ZNF500: variants seen among roughly 807,000 people sequenced by gnomAD.
ZNF500 encodes zinc finger protein with KRAB and SCAN domains 18.
In ZNF500, 31 loss-of-function variants were observed where a neutral mutation model predicts 30.1. That is an observed-to-expected ratio of 1.03 (90% confidence interval 0.77 to 1.39). The LOEUF (loss-of-function observed/expected upper bound fraction) is 1.39. ZNF500 is among the 40% of genes most tolerant of loss of function. The pLI is 0.00. For missense variants in ZNF500, 817 were observed against 657.8 expected (o/e 1.24, Z -2.65); for synonymous variants, 392 against 282.0 (o/e 1.39, Z -3.91).
chr16:4,761,284 A>G (rs2082196197), intron 4 of ZNF500, among the ~76,000 whole-genome samples: 1 of 151,756 alleles, frequency 6.6e-6, no homozygotes, highest in Admixed American at 6.6e-5. Context: ...TAAAAATACA[A>G]AAAAAATTAG....
At chr16:4,758,910 GA>G (rs34448916) in intron 5 of ZNF500, among the ~76,000 whole-genome samples, 69,500 of 151,994 alleles carry the variant, frequency 0.46, 18,814 homozygotes, top group East Asian at 0.64. Flanking sequence ...CAAAATAGGA[GA>G]AAATATTTCC....
chr16:4,746,599 G>C (rs1457140283), downstream of ZNF500: 3 of 1,432,740 alleles, frequency 2.1e-6, no homozygotes, highest in African/African-American at 2.9e-5. Flanking sequence ...GATCCTGATG[G>C]GGAGGAACAG....
intron 2 of ZNF500, chr16:4,763,625 G>C: frequency 1.0e-6 from 1 of 985,412 alleles, no homozygotes; most frequent in Non-Finnish European, 1.2e-6. Flanking sequence ...AGGGAGCGTA[G>C]TCCCCTTGGG....
At chr16:4,745,700 C>T (rs571051000), downstream of ZNF500, among the ~76,000 whole-genome samples, 8 of 152,232 alleles carry the variant, frequency 5.3e-5, no homozygotes, top group East Asian at 5.8e-4. Context: ...CCTATAATCC[C>T]GGCACTTTGG....
At chr16:4,758,987 A>G (rs1318142556) in intron 5 of ZNF500, among the ~76,000 whole-genome samples, 1 of 152,206 alleles carries the variant, frequency 6.6e-6, no homozygotes, top group Non-Finnish European at 1.5e-5. Flanking sequence ...AGGCAGGCAG[A>G]TCACTTGAGA....
chr16:4,747,727 A>C, downstream of ZNF500: 1 of 1,403,672 alleles, frequency 7.1e-7, no homozygotes, highest in Non-Finnish European at 9.5e-7. Flanking sequence ...TTCCACTAGC[A>C]GGGGCATTCC....
At chr16:4,747,365 C>T, downstream of ZNF500, 1 of 1,589,744 alleles carries the variant, frequency 6.3e-7, no homozygotes, top group Non-Finnish European at 8.6e-7. Flanking sequence ...GAAAAGCCAG[C>T]TTCTCCAGCA....
chr16:4,747,628 G>A (rs2082035124), downstream of ZNF500: 1 of 1,598,406 alleles, frequency 6.3e-7, no homozygotes, highest in Non-Finnish European at 8.5e-7. Context: ...AACTATAGCT[G>A]CCTCAGGTAG....
intron 5 of ZNF500, 50 bp downstream of exon 5, chr16:4,760,442 G>T: frequency 6.4e-7 from 1 of 1,565,540 alleles, no homozygotes; most frequent in Non-Finnish European, 8.8e-7. Flanking sequence ...GTGCCTGACA[G>T]TTCCTATTTT....
chr16:4,748,828 TG>T lies in ZNF500; in HGVS notation c.*3547del, dbSNP rs2082050749. ...GCAGCACAGTAGGGCGCCGGGCCTTTGGGACAGTGTCCCAGCTTCCCCTGGG... is the reference window on the plus strand; with the variant it reads ...GCAGCACAGTAGGGCGCCGGGCCTTTGGACAGTGTCCCAGCTTCCCCTGGG... On this transcript the variant is annotated 3_prime_UTR_variant, in exon 6 of 6. Coordinates refer to ENST00000219478, the MANE Select transcript of ZNF500 (RefSeq NM_021646.4). 6.6e-6 allele frequency: 1 copy of T among 152,338 alleles called. No homozygotes were observed. Among genetic ancestry groups the T allele is most frequent in the Admixed American group, 6.5e-5 (1 of 15,290 alleles). The allele number at this position is 152,338 out of a possible 1,614,324, so 9.4% of individuals were successfully genotyped here. A position where few individuals can be genotyped will look rare whatever the true frequency, so the allele number is the denominator to read the frequency against.
downstream of ZNF500, chr16:4,746,881 A>C: frequency 6.8e-7 from 1 of 1,477,068 alleles, no homozygotes; most frequent in Middle Eastern, 1.7e-4. Flanking sequence ...GAGTTGGAAC[A>C]CCAGGTGGAG....
intron 5 of ZNF500, among the ~76,000 whole-genome samples, chr16:4,755,175 C>T (rs1465200229): frequency 6.6e-6 from 1 of 152,114 alleles, no homozygotes; most frequent in East Asian, 1.9e-4. Flanking sequence ...CGAGAATGAC[C>T]TAATACACAG....
At chr16:4,757,484 G>C (rs947458665) in intron 5 of ZNF500, among the ~76,000 whole-genome samples, 3 of 151,948 alleles carry the variant, frequency 2.0e-5, no homozygotes, top group Non-Finnish European at 2.9e-5. Flanking sequence ...TTTTTTTGTA[G>C]AGACAAGGCT....
At chr16:4,761,856 A>AAAACAAACAAAC (rs113304135) in intron 4 of ZNF500, among the ~76,000 whole-genome samples, 1 of 150,310 alleles carries the variant, frequency 6.7e-6, no homozygotes, top group African/African-American at 2.5e-5. Context: ...ACTTTGGCTC[A>AAAACAAACAAAC]AAACAAACAA....
chr16:4,754,708 G>T (rs981265851), intron 5 of ZNF500, among the ~76,000 whole-genome samples: 1 of 151,626 alleles, frequency 6.6e-6, no homozygotes, highest in Non-Finnish European at 1.5e-5. Flanking sequence ...AAAACTGAGA[G>T]GAGGATTGGA....
At chr16:4,760,290 A>T (rs1171841679) in intron 5 of ZNF500, among the ~76,000 whole-genome samples, 1 of 152,088 alleles carries the variant, frequency 6.6e-6, no homozygotes, top group Non-Finnish European at 1.5e-5. Flanking sequence ...CAGGATGGCA[A>T]GGCAGTGCTG....
intron 1 of ZNF500, among the ~76,000 whole-genome samples, chr16:4,766,279 C>A (rs960338233): frequency 4.6e-5 from 7 of 152,130 alleles, no homozygotes; most frequent in Non-Finnish European, 1.5e-5. Context: ...TGCTTCCTCA[C>A]TGGGCAAACA....
chr16:4,761,478 TAC>T (rs71139657), intron 4 of ZNF500, among the ~76,000 whole-genome samples: 1,830 of 129,754 alleles, frequency 0.014, 33 homozygotes, highest in African/African-American at 0.042. Context: ...TACACATACA[TAC>T]ACACACACAC....
At chr16:4,744,856 T>C, downstream of ZNF500, 1 of 1,608,758 alleles carries the variant, frequency 6.2e-7, no homozygotes, top group Non-Finnish European at 8.5e-7. Flanking sequence ...AGCCTCTCCT[T>C]TGGCCATCCT....
Sources: allele counts gnomAD v4.1 joint callset (sites outside exome capture counted in the v4.1 genomes callset), GRCh38; gene constraint gnomAD v4.1.1; transcripts MANE v1.5; gene names NCBI Gene and HGNC (gene_info 2026-07-23, HGNC 2026-07-21).